The following SPATC1 variants were observed in gnomAD, a reference collection of about 807,000 sequenced individuals.
SPATC1 encodes the protein speriolin.
A neutral mutation model predicts 36.5 loss-of-function variants in SPATC1; 35 were observed. The ratio of observed to expected loss-of-function variants is 0.96; its 90% CI spans 0.73 to 1.27. The LOEUF (loss-of-function observed/expected upper bound fraction) is 1.27. Ranked by LOEUF, SPATC1 falls within the 50% of genes most tolerant of loss-of-function variation. The pLI is 0.00. For synonymous variants in SPATC1, 361 were observed against 353.6 expected (o/e 1.02, Z -0.24); for missense variants, 779 against 796.0 (o/e 0.98, Z 0.26).
At chr8:144,041,540 T>C (rs1410609300) in intron 4 of SPATC1, among the ~76,000 whole-genome samples, 169 bp downstream of exon 4, 3 of 152,214 alleles carry the variant, frequency 2.0e-5, no homozygotes, top group East Asian at 1.9e-4. Flanking sequence ...CATCTGGCAG[T>C]GGGAGCCCAC....
intron 4 of SPATC1, among the ~76,000 whole-genome samples, chr8:144,043,190 T>C (rs1835163143): frequency 6.6e-6 from 1 of 151,768 alleles, no homozygotes; most frequent in East Asian, 1.9e-4. Flanking sequence ...AGATGGGGTT[T>C]TGCCATGTTG....
rs1835228803 is a variant in SPATC1 at position 144,045,273 on chromosome 8, C to T, written c.1447-1354C>T. On this transcript the variant is annotated intron_variant, in intron 4 of 4. Coordinates refer to ENST00000377470, the MANE Select transcript of SPATC1 (RefSeq NM_198572.3). The surrounding 1 kb of genome is among the most constrained non-coding windows in gnomAD (Gnocchi z 5.2). The stretch of plus-strand genomic sequence containing the variant: ...GCCTAGAAGGCTCAGGAGCCAAGAA[C>T]CTCCAGCTGGGGAGAGACAGGCGCA... 6.6e-6 allele frequency among the ~76,000 whole-genome samples: 1 copy of T among 152,240 alleles called. No homozygotes were observed. Among genetic ancestry groups the T allele is most frequent in the South Asian group, 2.1e-4 (1 of 4,836 alleles).
Position 144,046,988 on chromosome 8 carries a change from C to A in SPATC1, c.*32C>A. 6.3e-7 allele frequency: 1 copy of A among 1,575,710 alleles called. No individual in the cohort carries two copies. The highest frequency in any genetic ancestry group is 2.2e-5 in the East Asian group (1 of 44,654). On this transcript the variant is annotated 3_prime_UTR_variant, in exon 5 of 5. Transcript: ENST00000377470. This position sits in a 1 kb window ranked among gnomAD's most constrained non-coding sequence, Gnocchi z 6.6. ...AGCTGGGAGGTCCAGGCTCGCTCAG[C>A]CCCACAGCCCTGTGCACGGCCATTA...
rs60442378 is a variant in SPATC1, at chr8:144,044,028, G to A, written c.1447-2599G>A. On this transcript the variant is annotated intron_variant, in intron 4 of 4. Coordinates refer to ENST00000377470, the MANE Select transcript of SPATC1 (RefSeq NM_198572.3). ...ACACCTTCCGCTGGTCCAAACTGCT[G>A]TCACCTGCTCCCTGGTCCACAGCCA... 4.2e-3 allele frequency among the ~76,000 whole-genome samples: 645 copies of A among 152,258 alleles called. 5 individuals carry two copies. Among genetic ancestry groups the A allele is most frequent in the African/African-American group, 0.015 (607 of 41,542 alleles).
intron 1 of SPATC1, among the ~76,000 whole-genome samples, chr8:144,026,839 G>A (rs1237922650): frequency 5.2e-5 from 7 of 134,256 alleles, no homozygotes; most frequent in Non-Finnish European, 9.2e-5. Flanking sequence ...ACGGAGTCTC[G>A]CTCTGTTGCC....
intron 1 of SPATC1, among the ~76,000 whole-genome samples, chr8:144,037,170 G>A (rs1249790326): frequency 5.5e-4 from 66 of 120,560 alleles, no homozygotes; most frequent in African/African-American, 2.0e-3. Flanking sequence ...CCACCCAGCC[G>A]GCCGCCCCGT....
intron 4 of SPATC1, 128 bp downstream of exon 4, chr8:144,041,499 G>A: frequency 8.1e-7 from 1 of 1,227,326 alleles, no homozygotes; most frequent in Non-Finnish European, 1.1e-6. Context: ...GAAGCTGACT[G>A]CTCAGTGCCA....
At chr8:144,043,642 C>G (rs1835176300) in intron 4 of SPATC1, among the ~76,000 whole-genome samples, 1 of 151,336 alleles carries the variant, frequency 6.6e-6, no homozygotes, top group South Asian at 2.1e-4. Flanking sequence ...TCCCAAAGTG[C>G]TGGGATTCCA....
intron 1 of SPATC1, among the ~76,000 whole-genome samples, chr8:144,023,016 C>CTCT (rs1224167641): frequency 8.9e-6 from 1 of 112,702 alleles, no homozygotes; most frequent in Non-Finnish European, 1.9e-5. Context: ...CCTCAAGACC[C>CTCT]TCTTCCCTGA....
In SPATC1 at chr8:144,041,353, C is replaced by G. The variant is rs782742577; in HGVS notation, c.1428C>G (p.Ile476Met). ...TCTACGGCTTCACTGTCTCCAACAT[C>G]CCAGAGAAGATCATCCAGGTGTGCG... ...VRLYGFTVSN[I>M]PEKIIQASLN... is the part of the protein sequence containing the mutation. Residue 476 changes from isoleucine (I) to methionine (M), a missense_variant, in exon 4 of 5, where the codon ATC becomes ATG. By Grantham distance (10) the Ile-to-Met change is conservative. Transcript: ENST00000377470. 4.3e-6 allele frequency: 7 copies of G among 1,610,614 alleles called. No individual in the cohort carries two copies. The highest frequency in any genetic ancestry group is 1.6e-4 in the Middle Eastern group (1 of 6,062).
intron 4 of SPATC1, among the ~76,000 whole-genome samples, chr8:144,042,311 A>ATTTTT (rs1184651892): frequency 2.1e-4 from 5 of 23,884 alleles, no homozygotes; most frequent in Non-Finnish European, 3.2e-4. Flanking sequence ...ATATATATAT[A>ATTTTT]TTTTTTTTTT....
At chr8:144,033,713 C>T (rs1223666566) in intron 1 of SPATC1, among the ~76,000 whole-genome samples, 8 of 152,216 alleles carry the variant, frequency 5.3e-5, no homozygotes, top group African/African-American at 1.9e-4. Context: ...GCCCTGCAGA[C>T]TGATGTGGGT....
chr8:144,047,005 C>T lies in SPATC1; in HGVS notation c.*49C>T, dbSNP rs1251058937. On this transcript the variant is annotated 3_prime_UTR_variant, in exon 5 of 5. Transcript: ENST00000377470. The surrounding 1 kb of genome is among the most constrained non-coding windows in gnomAD (Gnocchi z 4.1). ...TCGCTCAGCCCCACAGCCCTGTGCA[C>T]GGCCATTAAAGCTTCCCACAGACAC... 6 of 1,551,376 alleles carry T rather than the reference C, an allele frequency of 3.9e-6. No individual in the cohort carries two copies. The highest frequency in any genetic ancestry group is 4.5e-5 in the East Asian group (2 of 44,304).
rs1187423829 is a variant in SPATC1, at chr8:144,036,216, G to A, written c.212-3693G>A. ...CTTGAGGAGTTTGAGACCAGCTTGG[G>A]CGACAGAGTTAGATTCCCATCTCTA... On this transcript the variant is annotated intron_variant, in intron 1 of 4. Transcript: ENST00000377470. Among the ~76,000 whole-genome samples the A allele has an allele frequency of 2.0e-5, 3 of 152,192 alleles. No homozygotes were observed. The East Asian group carries it at 5.8e-4, about 29-fold the overall frequency.
intron 1 of SPATC1, among the ~76,000 whole-genome samples, chr8:144,026,793 T>A (rs1173524358): frequency 2.0e-5 from 3 of 150,106 alleles, no homozygotes; most frequent in Non-Finnish European, 4.4e-5. Context: ...TTTATTTTTT[T>A]AATTTCTTTC....
At chr8:144,021,160 T>C (rs1834519388) in intron 1 of SPATC1, among the ~76,000 whole-genome samples, 4 of 29,876 alleles carry the variant, frequency 1.3e-4, no homozygotes, top group Admixed American at 4.5e-4. Flanking sequence ...TTCAGTATCC[T>C]CTCCCCTCAA....
intron 4 of SPATC1, among the ~76,000 whole-genome samples, chr8:144,042,302 T>TAC (rs1835128539): frequency 1.5e-5 from 1 of 66,780 alleles, no homozygotes; most frequent in African/African-American, 9.3e-5. Context: ...TATATATATA[T>TAC]ATATATATAT....
rs1554755374 is a variant in SPATC1, at chr8:144,039,964, GGGGATCATGGCCTT to G, written c.270_283del (p.Ile91ThrfsTer138). The stretch of plus-strand genomic sequence containing the variant: ...CAAACGAACGAGTCCTCGAAGAAGT[GGGGATCATGGCCTT>G]GGCACCCCTGGCCGAGATGCTAACC... On this transcript the variant is annotated frameshift_variant, in exon 2 of 5. Coordinates refer to ENST00000377470, the MANE Select transcript of SPATC1 (RefSeq NM_198572.3). LOFTEE classifies it high-confidence loss of function. 1 of 1,613,980 alleles carries G rather than the reference GGGGATCATGGCCTT, an allele frequency of 6.2e-7. No homozygotes were observed. The highest frequency in any genetic ancestry group is 1.1e-5 in the South Asian group (1 of 91,090).
upstream of SPATC1, chr8:144,012,274 GT>G (rs1554752556): frequency 1.9e-6 from 1 of 538,992 alleles, no homozygotes; most frequent in Non-Finnish European, 3.3e-6. Flanking sequence ...CAGAGAAAAG[GT>G]CAGGACATTC....
Sources: allele counts gnomAD v4.1 joint callset (sites outside exome capture counted in the v4.1 genomes callset), GRCh38; gene constraint gnomAD v4.1.1; non-coding constraint Gnocchi (gnomAD v3.1); transcripts MANE v1.5; gene names NCBI Gene and HGNC (gene_info 2026-07-23, HGNC 2026-07-21).